Variants in ZNF487 observed in about 807,000 individuals in gnomAD.
The protein encoded by ZNF487 is KRAB domain only 1.
In ZNF487, 4 loss-of-function variants were observed where a neutral mutation model predicts 3.0. That is an observed-to-expected ratio of 1.35 (90% CI 0.66 to 3.08). The LOEUF is 3.08. ZNF487 is among the 30% of genes most tolerant of loss of function. The pLI is 0.01. For synonymous variants in ZNF487, 55 were observed against 34.6 expected (o/e 1.59, Z -2.06); for missense variants, 146 against 98.7 (o/e 1.48, Z -2.03).
the ZNF487 span, among the ~76,000 whole-genome samples, chr10:43,497,983 GATAT>G: frequency 1.4e-4 from 18 of 130,342 alleles, no homozygotes; most frequent in South Asian, 4.9e-4. Context: ...AAAGAAAAAA[GATAT>G]ATATATATAT....
At chr10:43,497,636 T>C in the ZNF487 span, among the ~76,000 whole-genome samples, 1 of 152,076 alleles carries the variant, frequency 6.6e-6, no homozygotes, top group Non-Finnish European at 1.5e-5. Flanking sequence ...TTTGTTAGAT[T>C]GGTTTTGGAG....
At chr10:43,449,592 T>C in intron 1 of ZNF487, among the ~76,000 whole-genome samples, 1 of 152,070 alleles carries the variant, frequency 6.6e-6, no homozygotes, top group East Asian at 1.9e-4. Flanking sequence ...TCCTTTTCAG[T>C]ATTTTGTAAT....
Position 43,475,852 on chromosome 10 carries a change from G to C in ZNF487, c.34+5G>C. ...ACAGCCTCCTCCTCTCAGTGGGTAA[G>C]GATTATGTAATTTGCAGCTTCAAAT... is the stretch of plus-strand genomic sequence containing the variant. On this transcript the variant is annotated splice_donor_5th_base_variant and intron_variant, in intron 2 of 3. Coordinates refer to ENST00000437590, the MANE Select transcript of ZNF487 (RefSeq NM_001355444.3). 2.6e-6 allele frequency: 2 copies of C among 763,590 alleles called. No homozygotes were observed. Among genetic ancestry groups the C allele is most frequent in the South Asian group, 2.8e-5 (2 of 71,924 alleles). 47.3% of individuals were successfully genotyped at this position (763,590 alleles called of 1,614,324 possible).
the ZNF487 span, among the ~76,000 whole-genome samples, chr10:43,504,511 G>A: frequency 6.6e-6 from 1 of 151,528 alleles, no homozygotes; most frequent in African/African-American, 2.4e-5. Context: ...TGGCCAAGCT[G>A]GTCGTGAACT....
At chr10:43,473,371 C>T (rs1262815746) in intron 1 of ZNF487, among the ~76,000 whole-genome samples, 12 of 151,990 alleles carry the variant, frequency 7.9e-5, no homozygotes, top group East Asian at 5.8e-4. Context: ...TGAGCCACCG[C>T]GCCTGGCGTA....
chr10:43,473,710 C>T, intron 1 of ZNF487, among the ~76,000 whole-genome samples: 1 of 151,914 alleles, frequency 6.6e-6, no homozygotes, highest in East Asian at 1.9e-4. Flanking sequence ...ACCTTCGCCA[C>T]CTTTTATAAA....
At chr10:43,451,572 A>T (rs937074402) in intron 1 of ZNF487, among the ~76,000 whole-genome samples, 3 of 135,948 alleles carry the variant, frequency 2.2e-5, no homozygotes, top group Non-Finnish European at 4.7e-5. Flanking sequence ...TATTATTATT[A>T]TTTTTCTTTT....
intron 1 of ZNF487, among the ~76,000 whole-genome samples, chr10:43,442,140 G>A (rs1167503285): frequency 2.0e-5 from 3 of 151,992 alleles, no homozygotes; most frequent in Non-Finnish European, 4.4e-5. Context: ...TGCGGTGTAA[G>A]GTTTGCTTGA....
chr10:43,471,219 C>T (rs917670755), intron 1 of ZNF487, among the ~76,000 whole-genome samples: 5 of 152,118 alleles, frequency 3.3e-5, no homozygotes, highest in East Asian at 1.9e-4. Flanking sequence ...GGATGGAGCA[C>T]GTGAGTGAGT....
downstream of ZNF487, among the ~76,000 whole-genome samples, chr10:43,484,893 AT>A (rs1304721159): frequency 6.6e-6 from 1 of 152,126 alleles, no homozygotes; most frequent in Non-Finnish European, 1.5e-5. Context: ...TGTATTTTAA[AT>A]TTTTTTGTGT....
At chr10:43,520,757 T>C in the ZNF487 span, among the ~76,000 whole-genome samples, 4 of 152,212 alleles carry the variant, frequency 2.6e-5, no homozygotes, top group South Asian at 8.3e-4. Flanking sequence ...CTGAGTAGGC[T>C]AACATTGAAA....
At chr10:43,443,669 C>T (rs574713791) in intron 1 of ZNF487, among the ~76,000 whole-genome samples, 2 of 151,410 alleles carry the variant, frequency 1.3e-5, no homozygotes, top group East Asian at 3.9e-4. Context: ...CCACCATGCC[C>T]GGCCCGTTTT....
intron 1 of ZNF487, among the ~76,000 whole-genome samples, chr10:43,448,211 G>A (rs1245136832): frequency 1.3e-5 from 2 of 151,590 alleles, no homozygotes; most frequent in South Asian, 2.1e-4. Flanking sequence ...GGATGGTCTC[G>A]ATCTCCTGAC....
intron 1 of ZNF487, among the ~76,000 whole-genome samples, chr10:43,440,467 T>C (rs563515692): frequency 6.6e-6 from 1 of 152,058 alleles, no homozygotes; most frequent in East Asian, 2.0e-4. Context: ...GACCAGCCTG[T>C]TCAACATGGT....
At chr10:43,517,380 T>C in the ZNF487 span, among the ~76,000 whole-genome samples, 1 of 152,244 alleles carries the variant, frequency 6.6e-6, no homozygotes, top group Non-Finnish European at 1.5e-5. Flanking sequence ...TACTTGCAAG[T>C]TGGCCCACCT....
At chr10:43,466,132 GCAGCAGTA>G (rs1376563383) in intron 1 of ZNF487, among the ~76,000 whole-genome samples, 2 of 146,682 alleles carry the variant, frequency 1.4e-5, no homozygotes, top group African/African-American at 2.5e-5. Flanking sequence ...AGCCGAGATG[GCAGCAGTA>G]CAGTCCAGCT....
chr10:43,496,918 A>G, the ZNF487 span, among the ~76,000 whole-genome samples: 1 of 152,116 alleles, frequency 6.6e-6, no homozygotes, highest in South Asian at 2.1e-4. Flanking sequence ...GGGGAGTTTT[A>G]TTTTTTAGAG....
the ZNF487 span, among the ~76,000 whole-genome samples, chr10:43,506,051 C>T: frequency 6.6e-6 from 1 of 152,220 alleles, no homozygotes; most frequent in Non-Finnish European, 1.5e-5. Flanking sequence ...GTGTTCTTTT[C>T]CTTTTCATTT....
chr10:43,444,717 C>T (rs527558694), intron 1 of ZNF487, among the ~76,000 whole-genome samples: 1 of 152,226 alleles, frequency 6.6e-6, no homozygotes, highest in East Asian at 1.9e-4. Flanking sequence ...CACAGGCGCA[C>T]ACCACTCCAG....
Sources: gnomAD v4.1 joint callset for allele counts (sites outside exome capture counted in the v4.1 genomes callset) on GRCh38, gnomAD v4.1.1 for gene constraint, MANE v1.5 for transcripts, NCBI Gene and HGNC (gene_info 2026-07-23, HGNC 2026-07-21) for gene names.